Variants in CDC73 observed in about 807,000 individuals in gnomAD.
CDC73 encodes the protein parafibromin.
CDC73 carries 21 observed loss-of-function variants against 83.7 expected under a neutral mutation model. The observed-to-expected ratio is 0.25, with a 90% CI of 0.18 to 0.36. CDC73 has a LOEUF of 0.36. CDC73 is among the 10% of genes least tolerant of loss of function. CDC73 has a pLI of 1.00. For missense variants in CDC73, 342 were observed against 653.3 expected (o/e 0.52, Z 5.19); for synonymous variants, 224 against 212.9 (o/e 1.05, Z -0.45).
chr1:193,216,982 A>T (rs528742129), intron 13 of CDC73, among the ~76,000 whole-genome samples: 1 of 152,188 alleles, frequency 6.6e-6, no homozygotes, highest in Non-Finnish European at 1.5e-5. Context: ...AGCCAACATC[A>T]TACTGAATAG....
chr1:193,169,297 C>T (rs1283456451), intron 10 of CDC73, among the ~76,000 whole-genome samples: 1 of 152,238 alleles, frequency 6.6e-6, no homozygotes, highest in Non-Finnish European at 1.5e-5. Context: ...GTAATCCTAG[C>T]ACTTGGGGAG....
At chr1:193,249,479 T>C (rs527350016) in intron 15 of CDC73, among the ~76,000 whole-genome samples, 6 of 152,122 alleles carry the variant, frequency 3.9e-5, no homozygotes, top group Middle Eastern at 3.4e-3. Flanking sequence ...TGCACTCTTA[T>C]GTTTCTGTGA....
intron 15 of CDC73, 74 bp downstream of exon 15, chr1:193,236,430 GT>G: frequency 1.1e-6 from 1 of 940,888 alleles, no homozygotes; most frequent in Non-Finnish European, 1.8e-6. Context: ...CAGTCATATA[GT>G]TCTGCGCATA....
chr1:193,208,350 C>T (rs946585345), intron 11 of CDC73, among the ~76,000 whole-genome samples: 3 of 152,134 alleles, frequency 2.0e-5, no homozygotes, highest in East Asian at 3.8e-4. Flanking sequence ...CTTTTTATTT[C>T]TGGTGCCAAC....
At chr1:193,227,144 G>T (rs530363019) in intron 13 of CDC73, among the ~76,000 whole-genome samples, 1 of 151,854 alleles carries the variant, frequency 6.6e-6, no homozygotes, top group East Asian at 1.9e-4. Flanking sequence ...TTTGTCTTTC[G>T]GTGGTGTCAG....
chr1:193,127,591 C>G, intron 2 of CDC73, among the ~76,000 whole-genome samples: 1 of 151,918 alleles, frequency 6.6e-6, no homozygotes, highest in East Asian at 1.9e-4. Flanking sequence ...AGATAGTTGG[C>G]TTAGATTTAT....
intron 15 of CDC73, among the ~76,000 whole-genome samples, chr1:193,246,381 G>A (rs143127287): frequency 1.3e-3 from 201 of 152,060 alleles, no homozygotes; most frequent in African/African-American, 4.6e-3. Context: ...TTCCCCAGTG[G>A]AAGTTAAATT....
chr1:193,179,147 A>G (rs752156621), intron 10 of CDC73: 1 of 152,132 alleles, frequency 6.6e-6, no homozygotes, highest in Admixed American at 6.5e-5. Flanking sequence ...AGTTTTCCCC[A>G]TCCCTCCCAA....
At chr1:193,150,498 AC>A in intron 9 of CDC73, 116 bp downstream of exon 9, 1 of 720,106 alleles carries the variant, frequency 1.4e-6, no homozygotes, top group South Asian at 1.5e-5. Context: ...ACCAGATCTT[AC>A]CCACTGCAAT....
intron 10 of CDC73, among the ~76,000 whole-genome samples, chr1:193,195,504 G>A (rs1676986875): frequency 6.6e-6 from 1 of 151,834 alleles, no homozygotes; most frequent in African/African-American, 2.4e-5. Flanking sequence ...AAATTTTTTT[G>A]GATATATATA....
Position 193,232,474 on chromosome 1 carries a change from A to C in CDC73, c.1155-519A>C, listed in dbSNP as rs147794136. ...CACACACATACACACACACACACAC[A>C]CCCAACTTAGGGTCTGAGTGAGCTT... On this transcript the variant is annotated intron_variant, in intron 13 of 16. Transcript: ENST00000367435. Among the ~76,000 whole-genome samples, 54 of 152,252 alleles carry C rather than the reference A, an allele frequency of 3.5e-4. No individual in the cohort carries two copies. The East Asian group carries it at 4.8e-3, about 14-fold the overall frequency.
At chr1:193,220,200 C>T (rs538724516) in intron 13 of CDC73, among the ~76,000 whole-genome samples, 11 of 143,598 alleles carry the variant, frequency 7.7e-5, no homozygotes, top group South Asian at 2.2e-4. Context: ...GGAGTCTCGC[C>T]GTGTCACCCA....
chr1:193,221,835 T>C (rs1677475999), intron 13 of CDC73, among the ~76,000 whole-genome samples: 1 of 152,084 alleles, frequency 6.6e-6, no homozygotes, highest in South Asian at 2.1e-4. Flanking sequence ...AACTGACATC[T>C]CCCCTACAGT....
At chr1:193,231,652 A>C (rs953778662) in intron 13 of CDC73, among the ~76,000 whole-genome samples, 1 of 152,204 alleles carries the variant, frequency 6.6e-6, no homozygotes, top group African/African-American at 2.4e-5. Context: ...TAGAAATCTT[A>C]ACTTTTTAAC....
At chr1:193,167,766 T>C (rs1676455613) in intron 10 of CDC73, among the ~76,000 whole-genome samples, 1 of 152,180 alleles carries the variant, frequency 6.6e-6, no homozygotes, top group Non-Finnish European at 1.5e-5. Context: ...TATTGTATTC[T>C]TTTAGCACAG....
At chr1:193,213,382 A>G (rs1677309620) in intron 13 of CDC73, among the ~76,000 whole-genome samples, 1 of 144,584 alleles carries the variant, frequency 6.9e-6, no homozygotes, top group Non-Finnish European at 1.5e-5. Flanking sequence ...TTTTTTTTTT[A>G]GTCATACTCA....
intron 13 of CDC73, among the ~76,000 whole-genome samples, chr1:193,214,852 G>GA (rs1411833821): frequency 2.6e-5 from 4 of 152,342 alleles, no homozygotes; most frequent in Middle Eastern, 3.4e-3. Context: ...CTATGAGACA[G>GA]ATTCAGATGA....
chr1:193,150,518 A>C (rs1013027009), intron 9 of CDC73, 136 bp downstream of exon 9: 5 of 672,720 alleles, frequency 7.4e-6, no homozygotes, highest in East Asian at 2.7e-5. Flanking sequence ...ATTTTTCTTA[A>C]ATAACATTTT....
chr1:193,175,554 CAAAA>C (rs910299140), intron 10 of CDC73, among the ~76,000 whole-genome samples: 6 of 152,122 alleles, frequency 3.9e-5, no homozygotes, highest in African/African-American at 1.2e-4. Context: ...AAACAAAAAA[CAAAA>C]AAACCAAACC....
Sources: gnomAD v4.1 joint callset for allele counts (sites outside exome capture counted in the v4.1 genomes callset) on GRCh38, gnomAD v4.1.1 for gene constraint, MANE v1.5 for transcripts, NCBI Gene and HGNC (gene_info 2026-07-23, HGNC 2026-07-21) for gene names.